Variants in SKIC3 observed in about 807,000 individuals in gnomAD.
SKIC3 encodes SKI3 subunit of superkiller complex.
the SKIC3 span, among the ~76,000 whole-genome samples, chr5:95,507,392 T>G: frequency 6.6e-6 from 1 of 152,174 alleles, no homozygotes; most frequent in Non-Finnish European, 1.5e-5. Context: ...GCCAGGAAAT[T>G]GAATGCTTTC....
chr5:95,464,438 G>T, the SKIC3 span: 6 of 567,680 alleles, frequency 1.1e-5, no homozygotes, highest in African/African-American at 5.7e-5. Flanking sequence ...AATCAGGTTT[G>T]GAGTTAACAG....
chr5:95,469,915 A>G, the SKIC3 span: 1 of 1,613,996 alleles, frequency 6.2e-7, no homozygotes, highest in Non-Finnish European at 8.5e-7. Flanking sequence ...GTTAGCCTAT[A>G]AAAATATAAG....
the SKIC3 span, chr5:95,522,073 ATCT>A: frequency 3.7e-6 from 6 of 1,613,598 alleles, no homozygotes; most frequent in South Asian, 2.2e-5. Flanking sequence ...CAGGCACATA[ATCT>A]TCTTTCTTTT....
chr5:95,550,585 T>C, the SKIC3 span: 1 of 152,296 alleles, frequency 6.6e-6, no homozygotes, highest in Non-Finnish European at 1.5e-5. Flanking sequence ...ACTTACCTTT[T>C]ACCAATTATT....
At chr5:95,481,370 G>A in the SKIC3 span, among the ~76,000 whole-genome samples, 4 of 151,994 alleles carry the variant, frequency 2.6e-5, no homozygotes, top group South Asian at 2.1e-4. Context: ...CTTGTCTGCC[G>A]CCATGTGAGA....
At chr5:95,496,621 C>T in the SKIC3 span, among the ~76,000 whole-genome samples, 524 of 152,266 alleles carry the variant, frequency 3.4e-3, 1 homozygote, top group African/African-American at 0.012. Context: ...CAAATTATTT[C>T]TGTAGAAAGG....
chr5:95,536,480 C>T, the SKIC3 span: 2 of 273,312 alleles, frequency 7.3e-6, no homozygotes, highest in African/African-American at 4.5e-5. Flanking sequence ...GCACCTAGCT[C>T]CACATCTCTG....
the SKIC3 span, among the ~76,000 whole-genome samples, chr5:95,496,033 T>C: frequency 0.012 from 1,888 of 151,420 alleles, 43 homozygotes; most frequent in African/African-American, 0.044. Context: ...TTTTTTTTTT[T>C]AATAGATGGA....
chr5:95,483,505 C>G, the SKIC3 span, among the ~76,000 whole-genome samples: 2 of 152,084 alleles, frequency 1.3e-5, no homozygotes, highest in Admixed American at 6.6e-5. Context: ...AATACCCTGT[C>G]CTGAACTTAG....
At chr5:95,482,573 C>A in the SKIC3 span, 1 of 1,613,982 alleles carries the variant, frequency 6.2e-7, no homozygotes, top group Non-Finnish European at 8.5e-7. Context: ...GAGTGGTTTA[C>A]ACTGAACTTG....
the SKIC3 span, chr5:95,516,250 C>T: frequency 1.7e-5 from 20 of 1,202,848 alleles, no homozygotes; most frequent in Admixed American, 1.8e-5. Flanking sequence ...GGCTAGATAA[C>T]GATGTGCAAA....
chr5:95,527,763 A>G, the SKIC3 span, among the ~76,000 whole-genome samples: 8 of 152,374 alleles, frequency 5.3e-5, no homozygotes, highest in African/African-American at 1.9e-4. Flanking sequence ...CAAAAGGAAG[A>G]AACGAGAATG....
the SKIC3 span, chr5:95,547,019 G>A: frequency 1.3e-6 from 2 of 1,552,132 alleles, no homozygotes; most frequent in Admixed American, 1.7e-5. Flanking sequence ...GTTTATAAAT[G>A]GGTAACATAC....
the SKIC3 span, among the ~76,000 whole-genome samples, chr5:95,499,952 A>G: frequency 2.6e-5 from 4 of 152,144 alleles, no homozygotes; most frequent in African/African-American, 9.6e-5. Flanking sequence ...GCTCTCCACT[A>G]ACAACCAAAC....
chr5:95,515,043 T>G, the SKIC3 span: 1 of 1,001,566 alleles, frequency 1.0e-6, no homozygotes, highest in South Asian at 1.4e-5. Context: ...GAACATAAAA[T>G]TTCACTGTTT....
chr5:95,473,326 G>C, the SKIC3 span, among the ~76,000 whole-genome samples: 1 of 149,150 alleles, frequency 6.7e-6, no homozygotes, highest in Non-Finnish European at 1.5e-5. Flanking sequence ...TCTGTGGCCC[G>C]GGAGAGAGTG....
At chr5:95,512,335 C>T in the SKIC3 span, 1 of 894,048 alleles carries the variant, frequency 1.1e-6, no homozygotes, top group Non-Finnish European at 1.7e-6. Context: ...AAAGTAAAGA[C>T]TGCTTCGCTG....
At chr5:95,524,555 T>G in the SKIC3 span, 1 of 1,613,788 alleles carries the variant, frequency 6.2e-7, no homozygotes, top group Non-Finnish European at 8.5e-7. Flanking sequence ...AATGATATTC[T>G]GCAACTTCGG....
the SKIC3 span, among the ~76,000 whole-genome samples, chr5:95,470,118 C>T: frequency 2.0e-5 from 3 of 151,968 alleles, no homozygotes; most frequent in African/African-American, 7.3e-5. Flanking sequence ...GCTGGGACTA[C>T]AGGCGCCCGC....
Sources: gnomAD v4.1 joint callset for allele counts (sites outside exome capture counted in the v4.1 genomes callset) on GRCh38, gnomAD v4.1.1 for gene constraint, MANE v1.5 for transcripts, NCBI Gene and HGNC (gene_info 2026-07-23, HGNC 2026-07-21) for gene names.